CPEB4: variants seen among roughly 807,000 people sequenced by gnomAD.
The protein encoded by CPEB4 is cytoplasmic polyadenylation element-binding protein 4.
Under a neutral mutation model 72.5 loss-of-function variants are expected in CPEB4, and 12 were observed. The ratio of observed to expected loss-of-function variants is 0.17; its 90% CI spans 0.11 to 0.27. CPEB4 has a LOEUF of 0.27. CPEB4 is among the 10% of genes least tolerant of loss of function. CPEB4 has a pLI of 1.00. For synonymous variants in CPEB4, 302 were observed against 326.3 expected, an observed-to-expected ratio of 0.93 and a Z score of 0.80; for missense variants, 614 against 908.5, an observed-to-expected ratio of 0.68 and a Z score of 4.17.
chr5:173,916,391 A>C (rs1756869599), intron 2 of CPEB4, among the ~76,000 whole-genome samples: 1 of 152,206 alleles, frequency 6.6e-6, no homozygotes, highest in South Asian at 2.1e-4. Flanking sequence ...AAGTTGTTTA[A>C]AGTGCCAGTC....
At chr5:173,930,041 G>C (rs1366159005) in intron 2 of CPEB4, among the ~76,000 whole-genome samples, 1 of 150,626 alleles carries the variant, frequency 6.6e-6, no homozygotes, top group African/African-American at 2.4e-5. Context: ...ACAGTACTCT[G>C]TTCCCACCTC....
intron 3 of CPEB4, among the ~76,000 whole-genome samples, chr5:173,940,981 T>C (rs1757816998): frequency 6.6e-6 from 1 of 152,234 alleles, no homozygotes; most frequent in Non-Finnish European, 1.5e-5. Flanking sequence ...CGAGAGTATT[T>C]GATTGTAACT....
chr5:173,931,570 T>C (rs1024842617), intron 2 of CPEB4, among the ~76,000 whole-genome samples: 2 of 152,202 alleles, frequency 1.3e-5, no homozygotes, highest in Admixed American at 1.3e-4. Flanking sequence ...GCAGATGGCA[T>C]GTGGGCTTTG....
At chr5:173,933,957 A>G (rs748528201) in intron 3 of CPEB4, among the ~76,000 whole-genome samples, 5 of 152,232 alleles carry the variant, frequency 3.3e-5, no homozygotes, top group Non-Finnish European at 5.9e-5. Context: ...CTAAAGCAGG[A>G]GGATTCCTTG....
chr5:173,961,683 C>T lies in CPEB4; in HGVS notation c.*5546C>T, dbSNP rs1758554974. The T allele has an allele frequency of 6.6e-6, 1 of 151,540 alleles. No homozygotes were observed. The highest frequency in any genetic ancestry group is 1.5e-5 in the Non-Finnish European group (1 of 67,928). The allele number at this position is 151,540 out of a possible 1,614,324, so 9.4% of individuals were successfully genotyped here. On this transcript the variant is annotated 3_prime_UTR_variant, in exon 10 of 10. Coordinates refer to ENST00000265085, the MANE Select transcript of CPEB4 (RefSeq NM_030627.4). Reference sequence around the variant, plus strand: ...TTTTGGTAATGGGTGTTTGTGTCCACAGCTAGATCAGAAAGTAAGTACTTT... The same window carrying T: ...TTTTGGTAATGGGTGTTTGTGTCCATAGCTAGATCAGAAAGTAAGTACTTT...
intron 1 of CPEB4, 126 bp downstream of exon 1, chr5:173,890,984 T>A: frequency 1.1e-6 from 1 of 896,752 alleles, no homozygotes; most frequent in Non-Finnish European, 1.6e-6. Flanking sequence ...AATGAATCAA[T>A]AACCAGACTT....
intron 2 of CPEB4, among the ~76,000 whole-genome samples, chr5:173,932,081 G>A (rs181184199): frequency 1.3e-4 from 20 of 152,206 alleles, no homozygotes; most frequent in African/African-American, 4.3e-4. Context: ...AATCACATAG[G>A]AGAATATTAC....
rs191336176 is a variant in CPEB4, at chr5:173,959,196, A to G, written c.*3059A>G. ...AAGCATGTAGTTCTAGCGCACTAGC[A>G]TGGCGCCAGCCATGTACTTACAATG... On this transcript the variant is annotated 3_prime_UTR_variant, in exon 10 of 10. Transcript: ENST00000265085. 32 of 152,914 alleles carry G rather than the reference A, an allele frequency of 2.1e-4. No individual in the cohort carries two copies. The highest frequency in any genetic ancestry group is 3.8e-4 in the Non-Finnish European group (26 of 68,022). The allele number at this position is 152,914 out of a possible 1,614,324, so 9.5% of individuals were successfully genotyped here.
At chr5:173,907,611 A>T (rs965153713) in intron 1 of CPEB4, among the ~76,000 whole-genome samples, 3 of 152,236 alleles carry the variant, frequency 2.0e-5, no homozygotes, top group Non-Finnish European at 4.4e-5. Flanking sequence ...AGTAGCAGAG[A>T]ATATTTTAAA....
intron 8 of CPEB4, among the ~76,000 whole-genome samples, chr5:173,952,646 G>T (rs895086311): frequency 4.6e-5 from 7 of 151,974 alleles, no homozygotes; most frequent in Admixed American, 1.3e-4. Flanking sequence ...AAATAAGCCA[G>T]GAGGGCCCAC....
chr5:173,938,786 G>A (rs1304498303), intron 3 of CPEB4, among the ~76,000 whole-genome samples: 1 of 152,140 alleles, frequency 6.6e-6, no homozygotes, highest in African/African-American at 2.4e-5. Context: ...GTATGCTTTT[G>A]TATGAAAGTA....
chr5:173,961,560 C>G lies in CPEB4; in HGVS notation c.*5423C>G, dbSNP rs1375298836. On this transcript the variant is annotated 3_prime_UTR_variant, in exon 10 of 10. Coordinates refer to ENST00000265085, the MANE Select transcript of CPEB4 (RefSeq NM_030627.4). ...CTAAACCTACCCAACGAGGAAAATT[C>G]TTTTTATTTTTATCTTTTGTTTTTA... 3 of 152,028 alleles carry G rather than the reference C, an allele frequency of 2.0e-5. No individual in the cohort carries two copies. The highest frequency in any genetic ancestry group is 4.4e-5 in the Non-Finnish European group (3 of 67,990). The allele number at this position is 152,028 out of a possible 1,614,324, so 9.4% of individuals were successfully genotyped here.
At chr5:173,895,990 T>C (rs1470230227) in intron 1 of CPEB4, among the ~76,000 whole-genome samples, 1 of 152,220 alleles carries the variant, frequency 6.6e-6, no homozygotes, top group African/African-American at 2.4e-5. Flanking sequence ...GCTCATGAGT[T>C]TAAGTTTTTG....
At chr5:173,905,031 TAGA>T (rs930379264) in intron 1 of CPEB4, among the ~76,000 whole-genome samples, 2 of 149,228 alleles carry the variant, frequency 1.3e-5, no homozygotes, top group African/African-American at 2.4e-5. Flanking sequence ...AAATGTAACT[TAGA>T]AGATTTGAGG....
At position 173,950,284 on chromosome 5, in the gene CPEB4, A is replaced by G. The variant is rs752802672; in HGVS notation, c.1665+206A>G. Among the ~76,000 whole-genome samples the G allele has an allele frequency of 2.0e-5, 3 of 152,200 alleles. No individual in the cohort carries two copies. The highest frequency in any genetic ancestry group is 4.4e-5 in the Non-Finnish European group (3 of 68,042). On this transcript the variant is annotated intron_variant, in intron 7 of 9. Transcript: ENST00000265085. The surrounding 1 kb of genome is among the most constrained non-coding windows in gnomAD (Gnocchi z 5.0). Reference sequence around the variant, plus strand: ...TTGACATCGAATTTTTGGTTAGTTGAAATATAATTGGTAAATCTTTATTTT... The same window carrying G: ...TTGACATCGAATTTTTGGTTAGTTGGAATATAATTGGTAAATCTTTATTTT...
At chr5:173,945,247 T>C (rs1757980385) in intron 5 of CPEB4, 107 bp downstream of exon 5, 2 of 902,026 alleles carry the variant, frequency 2.2e-6, no homozygotes, top group Non-Finnish European at 3.4e-6. Flanking sequence ...TAGTCAGCCC[T>C]GCTTGCATTG....
chr5:173,942,991 T>C, intron 3 of CPEB4, 35 bp from the exon 4 acceptor site: 2 of 1,603,384 alleles, frequency 1.2e-6, no homozygotes, highest in African/African-American at 1.3e-5. Flanking sequence ...TTGTTTTGTT[T>C]TTTTGTTTTT....
At position 173,949,386 on chromosome 5, in the gene CPEB4, A is replaced by C. The variant is rs1581168086; in HGVS notation, c.1457-122A>C. On this transcript the variant is annotated intron_variant, in intron 5 of 9. Transcript: ENST00000265085. ...ATTAACAGTTGGGGAATCTAGATGA[A>C]GGGGATAAAGGAGTTCTTTTTACTG... The C allele has an allele frequency of 7.9e-6, 5 of 632,098 alleles. No homozygotes were observed. The East Asian group carries it at 1.4e-4, about 18-fold the overall frequency. 39.2% of individuals were successfully genotyped at this position (632,098 alleles called of 1,614,324 possible). A position where few individuals can be genotyped will look rare whatever the true frequency, so the allele number is the denominator to read the frequency against.
intron 2 of CPEB4, among the ~76,000 whole-genome samples, chr5:173,928,127 G>A (rs185193861): frequency 2.7e-4 from 41 of 152,320 alleles, no homozygotes; most frequent in African/African-American, 9.4e-4. Context: ...AAGGTCAGGG[G>A]TTGGGGGCTG....
Sources: gnomAD v4.1 joint callset for allele counts (sites outside exome capture counted in the v4.1 genomes callset) on GRCh38, gnomAD v4.1.1 for gene constraint, Gnocchi (gnomAD v3.1) non-coding constraint, MANE v1.5 for transcripts, NCBI Gene and HGNC (gene_info 2026-07-23, HGNC 2026-07-21) for gene names.